UNC5D: variants seen among roughly 807,000 people sequenced by gnomAD.
The protein encoded by UNC5D is unc-5 netrin receptor D.
In UNC5D, 39 loss-of-function variants were observed where a neutral mutation model predicts 105.4. The observed-to-expected ratio is 0.37, with a 90% CI of 0.29 to 0.48. UNC5D has a LOEUF of 0.48. Ranked by LOEUF, UNC5D falls within the 20% of genes least tolerant of loss-of-function variation. UNC5D has a pLI of 0.98. For missense variants in UNC5D, 991 were observed against 1,202.4 expected, an observed-to-expected ratio of 0.82 and a Z score of 2.60; for synonymous variants, 452 against 450.4, an observed-to-expected ratio of 1.00 and a Z score of -0.04.
chr8:35,777,008 C>G (rs962910190), intron 16 of UNC5D, among the ~76,000 whole-genome samples: 2 of 152,206 alleles, frequency 1.3e-5, no homozygotes, highest in South Asian at 2.1e-4. Context: ...GTAATCCCAG[C>G]ACTTTGGGAG....
At chr8:35,564,152 T>A (rs1817161153) in intron 2 of UNC5D, among the ~76,000 whole-genome samples, 1 of 94,770 alleles carries the variant, frequency 1.1e-5, no homozygotes, top group Non-Finnish European at 1.8e-5. Flanking sequence ...TCCTCTTCAA[T>A]TTTTTTTTTA....
At chr8:35,461,211 T>C (rs1396725864) in intron 1 of UNC5D, among the ~76,000 whole-genome samples, 4 of 152,140 alleles carry the variant, frequency 2.6e-5, no homozygotes, top group Non-Finnish European at 5.9e-5. Flanking sequence ...ATGGGTGAGT[T>C]GGTTAGGGAA....
At chr8:35,761,930 T>C (rs538507209) in intron 14 of UNC5D, among the ~76,000 whole-genome samples, 2 of 152,314 alleles carry the variant, frequency 1.3e-5, no homozygotes, top group African/African-American at 2.4e-5. Context: ...GAATGGATAA[T>C]GGCTTTTCAT....
intron 11 of UNC5D, among the ~76,000 whole-genome samples, chr8:35,736,720 G>A (rs939358355): frequency 6.6e-6 from 1 of 152,192 alleles, no homozygotes; most frequent in African/African-American, 2.4e-5. Context: ...AAGAGTAAAA[G>A]GGGTTTCTCT....
intron 1 of UNC5D, among the ~76,000 whole-genome samples, chr8:35,239,177 CT>C (rs373524497): frequency 6.6e-6 from 1 of 152,046 alleles, no homozygotes; most frequent in Non-Finnish European, 1.5e-5. Flanking sequence ...CCTTTGCATA[CT>C]TTTTTTGCTC....
At chr8:35,383,321 A>G (rs1333469466) in intron 1 of UNC5D, among the ~76,000 whole-genome samples, 1 of 152,184 alleles carries the variant, frequency 6.6e-6, no homozygotes, top group African/African-American at 2.4e-5. Flanking sequence ...GTATAAAAAA[A>G]ATCCTCATCA....
At chr8:35,322,641 G>C (rs1488778112) in intron 1 of UNC5D, among the ~76,000 whole-genome samples, 1 of 152,174 alleles carries the variant, frequency 6.6e-6, no homozygotes, top group Non-Finnish European at 1.5e-5. Context: ...TAGAAGATAT[G>C]TGTACGTGAA....
intron 4 of UNC5D, among the ~76,000 whole-genome samples, chr8:35,636,879 T>G (rs1310039398): frequency 6.6e-6 from 1 of 152,176 alleles, no homozygotes; most frequent in East Asian, 1.9e-4. Context: ...GCTCTGGCAG[T>G]GGGTAAGTCA....
intron 8 of UNC5D, among the ~76,000 whole-genome samples, chr8:35,712,924 C>T (rs554667730): frequency 6.6e-6 from 1 of 152,246 alleles, no homozygotes; most frequent in African/African-American, 2.4e-5. Flanking sequence ...TCCTCATCTC[C>T]TGCTGATCAT....
At chr8:35,288,628 A>C (rs1252417412) in intron 1 of UNC5D, among the ~76,000 whole-genome samples, 2 of 152,214 alleles carry the variant, frequency 1.3e-5, no homozygotes, top group Non-Finnish European at 2.9e-5. Context: ...TTAACACACA[A>C]AAAAATTGAA....
At chr8:35,734,245 G>A (rs1829339018) in intron 11 of UNC5D, among the ~76,000 whole-genome samples, 1 of 145,412 alleles carries the variant, frequency 6.9e-6, no homozygotes, top group African/African-American at 2.6e-5. Context: ...TGGATCAAGG[G>A]TATGTAAGCC....
At chr8:35,512,539 GTATATATATA>G (rs71215633) in intron 1 of UNC5D, among the ~76,000 whole-genome samples, 10 of 40,278 alleles carry the variant, frequency 2.5e-4, no homozygotes, top group Admixed American at 6.7e-4. Flanking sequence ...AGATATGTAT[GTATATATATA>G]TATATATATA....
At chr8:35,239,845 T>C (rs1215284166) in intron 1 of UNC5D, among the ~76,000 whole-genome samples, 1 of 152,202 alleles carries the variant, frequency 6.6e-6, no homozygotes, top group Non-Finnish European at 1.5e-5. Flanking sequence ...AGTCACATAT[T>C]CTATGTAGAG....
At chr8:35,496,856 A>C (rs955810609) in intron 1 of UNC5D, among the ~76,000 whole-genome samples, 2 of 152,166 alleles carry the variant, frequency 1.3e-5, no homozygotes, top group African/African-American at 2.4e-5. Flanking sequence ...ATTTCATATA[A>C]ATGGAATCAT....
intron 4 of UNC5D, among the ~76,000 whole-genome samples, chr8:35,676,308 TA>T (rs1825215332): frequency 6.6e-6 from 1 of 152,236 alleles, no homozygotes; most frequent in Non-Finnish European, 1.5e-5. Context: ...TCATTACCTC[TA>T]AGTAACTAGT....
chr8:35,333,921 A>T (rs1810826764), intron 1 of UNC5D, among the ~76,000 whole-genome samples: 2 of 152,352 alleles, frequency 1.3e-5, no homozygotes, highest in African/African-American at 4.8e-5. Flanking sequence ...CAAATTTTAG[A>T]AACTTTGGGA....
intron 7 of UNC5D, among the ~76,000 whole-genome samples, chr8:35,691,424 C>G (rs1484046072): frequency 1.3e-5 from 2 of 152,118 alleles, no homozygotes; most frequent in Non-Finnish European, 2.9e-5. Flanking sequence ...GAGATCGAGG[C>G]TGCAGTGAGC....
chr8:35,668,135 A>C (rs1342972416), intron 4 of UNC5D, among the ~76,000 whole-genome samples: 1 of 151,938 alleles, frequency 6.6e-6, no homozygotes, highest in Non-Finnish European at 1.5e-5. Context: ...AACAAGTAAT[A>C]TCTCATTTTC....
At chr8:35,669,563 A>G (rs963237310) in intron 4 of UNC5D, among the ~76,000 whole-genome samples, 2 of 151,762 alleles carry the variant, frequency 1.3e-5, no homozygotes, top group African/African-American at 2.4e-5. Context: ...CACATTATAA[A>G]CCTTCCCTTC....
Sources: gnomAD v4.1 joint callset for allele counts (sites outside exome capture counted in the v4.1 genomes callset) on GRCh38, gnomAD v4.1.1 for gene constraint, MANE v1.5 for transcripts, NCBI Gene and HGNC (gene_info 2026-07-23, HGNC 2026-07-21) for gene names.